Variants in SORCS2 observed in about 807,000 individuals in gnomAD.
SORCS2 encodes sortilin related VPS10 domain containing receptor 2.
Under a neutral mutation model 141.6 loss-of-function variants are expected in SORCS2, and 100 were observed. The ratio of observed to expected loss-of-function variants is 0.71; its 90% CI spans 0.60 to 0.83. The LOEUF (loss-of-function observed/expected upper bound fraction) is 0.83. Ranked by LOEUF, SORCS2 falls within the 40% of genes least tolerant of loss-of-function variation. SORCS2 has a pLI of 0.00. For missense variants in SORCS2, 1,646 were observed against 1,560.2 expected, an observed-to-expected ratio of 1.05 and a Z score of -0.93; for synonymous variants, 789 against 676.9, an observed-to-expected ratio of 1.17 and a Z score of -2.57.
intron 2 of SORCS2, among the ~76,000 whole-genome samples, chr4:7,453,161 T>C (rs1577588423): frequency 1.5e-5 from 2 of 135,806 alleles, no homozygotes; most frequent in East Asian, 2.4e-4. Flanking sequence ...GGTCAGGTGC[T>C]GTGTTGGGGT....
At chr4:7,660,993 C>A (rs939873747) in intron 5 of SORCS2, among the ~76,000 whole-genome samples, 1 of 152,090 alleles carries the variant, frequency 6.6e-6, no homozygotes, top group African/African-American at 2.4e-5. Context: ...ACAGGTCAGC[C>A]CTTAGCACTG....
chr4:7,454,891 C>CTG (rs200325512), intron 2 of SORCS2, among the ~76,000 whole-genome samples: 3 of 111,556 alleles, frequency 2.7e-5, no homozygotes, highest in South Asian at 6.7e-4. Context: ...GGGTCAGGTG[C>CTG]TGTGTTGGGG....
chr4:7,304,459 G>C (rs554300686), intron 1 of SORCS2, among the ~76,000 whole-genome samples: 2 of 152,288 alleles, frequency 1.3e-5, no homozygotes, highest in Admixed American at 6.5e-5. Flanking sequence ...AGGCGGATGC[G>C]GGTGGGTCGG....
intron 2 of SORCS2, among the ~76,000 whole-genome samples, chr4:7,425,339 C>G (rs951197903): frequency 2.6e-5 from 4 of 152,174 alleles, no homozygotes; most frequent in Admixed American, 1.3e-4. Context: ...AGAGACGTCC[C>G]CTTGAGATGA....
rs916151744 is a variant in SORCS2, at chr4:7,664,998, A to G, written c.1071+527A>G. Among the ~76,000 whole-genome samples the G allele has an allele frequency of 3.9e-5, 6 of 152,154 alleles. No individual in the cohort carries two copies. The highest frequency in any genetic ancestry group is 8.8e-5 in the Non-Finnish European group (6 of 68,024). ...GGATGGGGAGCTCAGCCCTCCCGAA[A>G]CAGCCTAGCCCTCTGCTGAGTAGCC... On this transcript the variant is annotated intron_variant, in intron 7 of 26. Transcript: ENST00000507866. This position sits in a 1 kb window ranked among gnomAD's most constrained non-coding sequence, Gnocchi z 4.7.
At chr4:7,724,415 A>G (rs1577121810) in intron 19 of SORCS2, among the ~76,000 whole-genome samples, 4 of 103,850 alleles carry the variant, frequency 3.9e-5, no homozygotes, top group African/African-American at 1.3e-4. Context: ...TAGTGGTGGG[A>G]ATGGATGGTG....
rs78235661 is a variant in SORCS2 at position 7,636,495 on chromosome 4, C to T, written c.649-1833C>T. Among the ~76,000 whole-genome samples, 997 of 152,202 alleles carry T rather than the reference C, an allele frequency of 6.6e-3. 11 individuals are homozygous for T. Among genetic ancestry groups the T allele is most frequent in the African/African-American group, 0.022 (927 of 41,546 alleles). On this transcript the variant is annotated intron_variant, in intron 3 of 26. Coordinates refer to ENST00000507866, the MANE Select transcript of SORCS2 (RefSeq NM_020777.3). ...ACCTGGTTCAAATTCCATGGCTGTG[C>T]GACCTCAGGTAAGTTTTGTCTGCCG...
At chr4:7,196,047 C>T (rs147317343) in intron 1 of SORCS2, among the ~76,000 whole-genome samples, 192 of 152,350 alleles carry the variant, frequency 1.3e-3, no homozygotes, top group Admixed American at 4.1e-3. Flanking sequence ...TTTAAGCCCT[C>T]ATTGCTACAG....
At chr4:7,734,437 C>T (rs1292788233) in intron 25 of SORCS2, 63 bp downstream of exon 25, 9 of 1,173,336 alleles carry the variant, frequency 7.7e-6, no homozygotes, top group Non-Finnish European at 9.5e-6. Context: ...AAGCCAGGCC[C>T]AACTCACTCA....
intron 2 of SORCS2, among the ~76,000 whole-genome samples, chr4:7,468,982 G>A (rs895895492): frequency 6.6e-6 from 1 of 152,240 alleles, no homozygotes; most frequent in Non-Finnish European, 1.5e-5. Context: ...TAGGAAAAAT[G>A]AACAGCACTA....
chr4:7,582,600 CA>C (rs1553887948), intron 3 of SORCS2, among the ~76,000 whole-genome samples: 2 of 151,814 alleles, frequency 1.3e-5, no homozygotes, highest in Non-Finnish European at 2.9e-5. Flanking sequence ...TCCCTCGCTG[CA>C]ATCTATTGAA....
chr4:7,322,990 T>G (rs1172160933), intron 1 of SORCS2, among the ~76,000 whole-genome samples: 2 of 152,122 alleles, frequency 1.3e-5, no homozygotes, highest in African/African-American at 4.8e-5. Context: ...TCTTTTTCTG[T>G]ATTCCAGTAG....
intron 1 of SORCS2, among the ~76,000 whole-genome samples, chr4:7,342,952 C>T (rs923677948): frequency 6.6e-6 from 1 of 152,144 alleles, no homozygotes; most frequent in African/African-American, 2.4e-5. Flanking sequence ...TCTGTCCTGG[C>T]TGTGTGGCCT....
intron 2 of SORCS2, among the ~76,000 whole-genome samples, chr4:7,415,267 G>A (rs1451458751): frequency 6.6e-6 from 1 of 152,158 alleles, no homozygotes; most frequent in East Asian, 1.9e-4. Context: ...GTTCAACCAG[G>A]TCCTACTGGG....
chr4:7,520,257 C>T (rs1041458847), intron 2 of SORCS2, among the ~76,000 whole-genome samples: 26 of 152,320 alleles, frequency 1.7e-4, no homozygotes, highest in African/African-American at 4.6e-4. Flanking sequence ...GGAACTCTGG[C>T]ACTGGAGGGG....
At chr4:7,523,660 T>G (rs1284364025) in intron 2 of SORCS2, among the ~76,000 whole-genome samples, 1 of 152,050 alleles carries the variant, frequency 6.6e-6, no homozygotes, top group Non-Finnish European at 1.5e-5. Context: ...ACAGCATCCA[T>G]CACACTGACC....
chr4:7,682,615 G>A (rs555069941), intron 9 of SORCS2, 128 bp from the exon 10 acceptor site: 39 of 908,844 alleles, frequency 4.3e-5, no homozygotes, highest in Middle Eastern at 2.5e-4. Context: ...CTCAGCTGCT[G>A]GACATTGTGA....
rs145460494 is a variant in SORCS2 at position 7,574,577 on chromosome 4, G to A, written c.648+42948G>A. ...GACAGGGGGAAGGAGGAAGAGAGGG[G>A]AAGGAGGGAGGGAGAGAGGCAGGGA... On this transcript the variant is annotated intron_variant, in intron 3 of 26. Coordinates refer to ENST00000507866, the MANE Select transcript of SORCS2 (RefSeq NM_020777.3). Among the ~76,000 whole-genome samples, 4 of 152,122 alleles carry A rather than the reference G, an allele frequency of 2.6e-5. No homozygotes were observed. In the East Asian group the frequency reaches 7.7e-4, roughly 29 times the overall value.
chr4:7,711,755 C>T (rs1335229426), intron 14 of SORCS2, among the ~76,000 whole-genome samples: 1 of 152,236 alleles, frequency 6.6e-6, no homozygotes. Context: ...TACTCAACCT[C>T]TCTGTGCCTC....
Sources: gnomAD v4.1 joint callset for allele counts (sites outside exome capture counted in the v4.1 genomes callset) on GRCh38, gnomAD v4.1.1 for gene constraint, Gnocchi (gnomAD v3.1) non-coding constraint, MANE v1.5 for transcripts, NCBI Gene and HGNC (gene_info 2026-07-23, HGNC 2026-07-21) for gene names.